Variants in DDX10 observed in about 807,000 individuals in gnomAD.
DDX10 encodes the protein DEAD-box helicase 10.
DDX10 carries 74 observed loss-of-function variants against 104.3 expected under a neutral mutation model. The observed-to-expected ratio is 0.71, with a 90% CI of 0.59 to 0.86. DDX10 has a LOEUF of 0.86. DDX10 is among the 40% of genes least tolerant of loss of function. The pLI is 0.00. For missense variants in DDX10, 952 were observed against 1,040.0 expected (o/e 0.92, Z 1.16); for synonymous variants, 351 against 353.4 (o/e 0.99, Z 0.08).
intron 6 of DDX10, among the ~76,000 whole-genome samples, chr11:108,684,525 T>C (rs1356400650): frequency 2.0e-5 from 3 of 149,982 alleles, no homozygotes. Flanking sequence ...ACAAAGGACA[T>C]GAACTCATCA....
intron 16 of DDX10, among the ~76,000 whole-genome samples, chr11:108,873,360 A>G (rs1012620293): frequency 1.3e-5 from 2 of 152,164 alleles, no homozygotes; most frequent in African/African-American, 4.8e-5. Context: ...CAAAAGTTAC[A>G]ATCTATTCTC....
intron 13 of DDX10, among the ~76,000 whole-genome samples, chr11:108,792,558 T>C (rs1390873868): frequency 6.6e-6 from 1 of 152,216 alleles, no homozygotes; most frequent in Non-Finnish European, 1.5e-5. Context: ...TAGAAATAAG[T>C]TTATCATATT....
chr11:108,763,844 GT>G (rs1487999452), intron 13 of DDX10, among the ~76,000 whole-genome samples: 14 of 152,126 alleles, frequency 9.2e-5, no homozygotes, highest in Admixed American at 9.2e-4. Context: ...GCATTAAATA[GT>G]TCAAGCTTAA....
intron 13 of DDX10, among the ~76,000 whole-genome samples, chr11:108,773,839 G>A (rs1189743957): frequency 6.6e-6 from 1 of 152,128 alleles, no homozygotes; most frequent in Non-Finnish European, 1.5e-5. Flanking sequence ...ATAGTGCTGA[G>A]AAGGGAGACC....
chr11:108,710,301 T>C (rs2094282424), intron 10 of DDX10, among the ~76,000 whole-genome samples: 1 of 152,208 alleles, frequency 6.6e-6, no homozygotes, highest in Non-Finnish European at 1.5e-5. Flanking sequence ...TTGCTGTAAC[T>C]TTTTTTGTTT....
chr11:108,933,226 A>G (rs1863995013), intron 17 of DDX10, among the ~76,000 whole-genome samples: 1 of 151,994 alleles, frequency 6.6e-6, no homozygotes, highest in Admixed American at 6.5e-5. Context: ...CTGGCTAAAC[A>G]GATTCCACAG....
intron 13 of DDX10, among the ~76,000 whole-genome samples, chr11:108,784,546 T>C (rs1040435784): frequency 6.6e-6 from 1 of 152,070 alleles, no homozygotes; most frequent in Non-Finnish European, 1.5e-5. Context: ...ATATTGTTTG[T>C]TTTTTGCTTG....
At chr11:108,812,615 T>C (rs1862198584) in intron 13 of DDX10, among the ~76,000 whole-genome samples, 1 of 152,110 alleles carries the variant, frequency 6.6e-6, no homozygotes. Flanking sequence ...AACTGTTGAC[T>C]TGATTGATTA....
intron 16 of DDX10, among the ~76,000 whole-genome samples, chr11:108,880,389 T>C (rs971065825): frequency 6.6e-6 from 1 of 152,150 alleles, no homozygotes; most frequent in Non-Finnish European, 1.5e-5. Flanking sequence ...CTTCAATAAG[T>C]TAATTTGGTG....
Position 108,918,036 on chromosome 11 carries a change from G to C in DDX10, c.2450+18G>C. Reference sequence around the variant, plus strand: ...AAAATAAGGTATGTTTTTACTATGGGTATGAAATACATACTTAGTACTCTC... The same window carrying C: ...AAAATAAGGTATGTTTTTACTATGGCTATGAAATACATACTTAGTACTCTC... On this transcript the variant is annotated intron_variant, in intron 17 of 17. Transcript: ENST00000322536. The C allele has an allele frequency of 6.2e-7, 1 of 1,604,902 alleles. No homozygotes were observed. Among genetic ancestry groups the C allele is most frequent in the Non-Finnish European group, 8.5e-7 (1 of 1,171,884 alleles).
intron 13 of DDX10, among the ~76,000 whole-genome samples, chr11:108,784,912 T>C (rs938217767): frequency 1.3e-5 from 2 of 152,222 alleles, no homozygotes; most frequent in Non-Finnish European, 2.9e-5. Flanking sequence ...TGCATATGGC[T>C]AGCCAGTTAC....
chr11:108,868,801 AT>A (rs1315093834), intron 16 of DDX10, among the ~76,000 whole-genome samples: 1 of 152,080 alleles, frequency 6.6e-6, no homozygotes. Flanking sequence ...ATAATACCCT[AT>A]CAGAGCTCCC....
At chr11:108,786,417 C>T (rs1276747321) in intron 13 of DDX10, among the ~76,000 whole-genome samples, 1 of 152,130 alleles carries the variant, frequency 6.6e-6, no homozygotes, top group Non-Finnish European at 1.5e-5. Flanking sequence ...TTCTCTGCTT[C>T]AGTGATCTGT....
At chr11:108,798,396 T>G (rs1861974904) in intron 13 of DDX10, among the ~76,000 whole-genome samples, 1 of 152,238 alleles carries the variant, frequency 6.6e-6, no homozygotes, top group African/African-American at 2.4e-5. Context: ...CAGAAATTTT[T>G]CGTCTTGCAA....
intron 15 of DDX10, among the ~76,000 whole-genome samples, chr11:108,846,748 A>G (rs939603585): frequency 5.3e-5 from 8 of 152,216 alleles, no homozygotes; most frequent in Non-Finnish European, 1.0e-4. Context: ...GAGTGCAGAC[A>G]TCTATTTGAC....
chr11:108,934,463 T>C (rs1353464791), intron 17 of DDX10, among the ~76,000 whole-genome samples: 2 of 152,112 alleles, frequency 1.3e-5, no homozygotes, highest in Non-Finnish European at 2.9e-5. Flanking sequence ...ATTAGCATTG[T>C]GGAAGATTGT....
At chr11:108,747,582 C>T (rs1444743887) in intron 13 of DDX10, among the ~76,000 whole-genome samples, 1 of 152,136 alleles carries the variant, frequency 6.6e-6, no homozygotes, top group Non-Finnish European at 1.5e-5. Flanking sequence ...TCTCCCTTGA[C>T]AGTCCCTTTA....
At chr11:108,739,836 C>T (rs1468518770) in intron 13 of DDX10, among the ~76,000 whole-genome samples, 8 of 152,106 alleles carry the variant, frequency 5.3e-5, no homozygotes, top group South Asian at 2.1e-4. Flanking sequence ...TTAATCCACC[C>T]GTCATCCCTT....
At position 108,845,044 on chromosome 11, in the gene DDX10, G is replaced by GA. The variant is rs1050885923; in HGVS notation, c.2247+3576dup. On this transcript the variant is annotated intron_variant, in intron 15 of 17. Coordinates refer to ENST00000322536, the MANE Select transcript of DDX10 (RefSeq NM_004398.4). ...ACCCCATCTCTACTAAAAAAATACA[G>GA]AAAAAAAACCAAAATTAGCCAGTCG... Among the ~76,000 whole-genome samples the GA allele has an allele frequency of 5.3e-5, 8 of 151,454 alleles. No individual in the cohort carries two copies. The South Asian group carries it at 6.3e-4, about 12-fold the overall frequency.
Sources: gnomAD v4.1 joint callset for allele counts (sites outside exome capture counted in the v4.1 genomes callset) on GRCh38, gnomAD v4.1.1 for gene constraint, MANE v1.5 for transcripts, NCBI Gene and HGNC (gene_info 2026-07-23, HGNC 2026-07-21) for gene names.